Variants in FARS2 observed in about 807,000 individuals in gnomAD.
FARS2 encodes the protein phenylalanine--tRNA ligase, mitochondrial.
FARS2 carries 40 observed loss-of-function variants against 46.4 expected under a neutral mutation model. The observed-to-expected ratio is 0.86, with a 90% confidence interval of 0.67 to 1.12. The LOEUF is 1.12. Among genes scored for constraint, FARS2 ranks in the 50% most tolerant of loss-of-function variants. FARS2 has a pLI of 0.00. For synonymous variants in FARS2, 234 were observed against 214.9 expected (o/e 1.09, Z -0.78); for missense variants, 513 against 567.9 (o/e 0.90, Z 0.98).
chr6:5,640,761 A>G (rs2150738895), intron 6 of FARS2, among the ~76,000 whole-genome samples: 1 of 152,340 alleles, frequency 6.6e-6, no homozygotes, highest in South Asian at 2.1e-4. Context: ...CATATAGCCA[A>G]TCACTAATCA....
intron 6 of FARS2, among the ~76,000 whole-genome samples, chr6:5,694,627 A>G (rs1242224219): frequency 1.3e-5 from 2 of 152,178 alleles, no homozygotes; most frequent in African/African-American, 4.8e-5. Context: ...CCAGGTGTAT[A>G]TATTTCTCTC....
intron 1 of FARS2, among the ~76,000 whole-genome samples, chr6:5,289,858 T>C (rs1407560137): frequency 1.3e-5 from 2 of 152,154 alleles, no homozygotes; most frequent in Non-Finnish European, 1.5e-5. Flanking sequence ...GGTTTTCCTT[T>C]TGATTTAGTT....
intron 4 of FARS2, among the ~76,000 whole-genome samples, chr6:5,483,192 G>T (rs913329620): frequency 6.6e-5 from 10 of 152,144 alleles, no homozygotes; most frequent in Non-Finnish European, 1.5e-4. Context: ...GGATACTATT[G>T]CTCACAGTAG....
chr6:5,727,872 T>G lies in FARS2; in HGVS notation c.1218-43419T>G, dbSNP rs1760366828. Among the ~76,000 whole-genome samples, 1 of 152,244 alleles carries G rather than the reference T, an allele frequency of 6.6e-6. No homozygotes were observed. The highest frequency in any genetic ancestry group is 1.5e-5 in the Non-Finnish European group (1 of 68,044). ...CAACAGACTGATTTCTAAATGAGCT[T>G]CCTGCCTCAAGGCAAAGGTTGAGTT... On this transcript the variant is annotated intron_variant, in intron 6 of 6. Transcript: ENST00000274680. The surrounding 1 kb of genome is among the most constrained non-coding windows in gnomAD (Gnocchi z 4.1).
chr6:5,506,776 A>G (rs1359612560), intron 4 of FARS2, among the ~76,000 whole-genome samples: 2 of 152,238 alleles, frequency 1.3e-5, no homozygotes, highest in Non-Finnish European at 2.9e-5. Context: ...TGAGGCATTC[A>G]TGAAAACAGC....
chr6:5,517,066 C>T (rs1451247414), intron 4 of FARS2, among the ~76,000 whole-genome samples: 1 of 151,964 alleles, frequency 6.6e-6, no homozygotes, highest in Non-Finnish European at 1.5e-5. Context: ...GGAATATGAG[C>T]ATGGAAGGAA....
chr6:5,494,509 A>G (rs550179029), intron 4 of FARS2, among the ~76,000 whole-genome samples: 6 of 152,274 alleles, frequency 3.9e-5, no homozygotes, highest in African/African-American at 1.2e-4. Context: ...TGCTAGTAAG[A>G]GCAAATTTTC....
At position 5,359,029 on chromosome 6, in the gene FARS2, CCTTTTTTTTTT is replaced by C. The variant is rs1173125760; in HGVS notation, c.-21-9520_-21-9510del. Among the ~76,000 whole-genome samples, 11 of 72,534 alleles carry C rather than the reference CCTTTTTTTTTT, an allele frequency of 1.5e-4. 1 individual carries two copies. Among genetic ancestry groups the C allele is most frequent in the East Asian group, 4.4e-4 (1 of 2,290 alleles). 47.6% of individuals were successfully genotyped at this position (72,534 alleles called of 152,430 possible). A position where few individuals can be genotyped will look rare whatever the true frequency, so the allele number is the denominator to read the frequency against. ...TCGAATTATAGTGATGAAAAGATAC[CCTTTTTTTTTT>C]TTTTTTTTTTTTTTTTTGATATGGA... On this transcript the variant is annotated intron_variant, in intron 1 of 6. Transcript: ENST00000274680.
chr6:5,601,364 A>G (rs1774502204), intron 5 of FARS2, among the ~76,000 whole-genome samples: 1 of 151,922 alleles, frequency 6.6e-6, no homozygotes, highest in African/African-American at 2.4e-5. Flanking sequence ...TCTACTAAAA[A>G]TACAAAAAAA....
At chr6:5,267,267 A>C (rs1443405731) in intron 1 of FARS2, among the ~76,000 whole-genome samples, 1 of 151,726 alleles carries the variant, frequency 6.6e-6, no homozygotes, top group Non-Finnish European at 1.5e-5. Flanking sequence ...GATTTGTTGT[A>C]ATCTGTTATA....
At chr6:5,670,744 A>T (rs1355350956) in intron 6 of FARS2, among the ~76,000 whole-genome samples, 3 of 152,040 alleles carry the variant, frequency 2.0e-5, no homozygotes, top group Middle Eastern at 3.4e-3. Flanking sequence ...TTTTTTTTTT[A>T]AATAAGCACA....
At chr6:5,262,986 T>G (rs1765297083) in intron 1 of FARS2, among the ~76,000 whole-genome samples, 1 of 152,184 alleles carries the variant, frequency 6.6e-6, no homozygotes, top group South Asian at 2.1e-4. Context: ...TGATACACTA[T>G]TGTGTGCCAG....
chr6:5,467,464 A>G (rs1246472824), intron 4 of FARS2, among the ~76,000 whole-genome samples: 1 of 152,182 alleles, frequency 6.6e-6, no homozygotes, highest in Non-Finnish European at 1.5e-5. Context: ...AGATGCTGAA[A>G]TAAGATACAA....
chr6:5,739,725 A>C (rs1761199715), intron 6 of FARS2, among the ~76,000 whole-genome samples: 2 of 152,176 alleles, frequency 1.3e-5, no homozygotes, highest in African/African-American at 4.8e-5. Context: ...TGAATCCAGG[A>C]GGACAGTGGG....
At chr6:5,634,448 G>A (rs2150726426) in intron 6 of FARS2, among the ~76,000 whole-genome samples, 1 of 152,222 alleles carries the variant, frequency 6.6e-6, no homozygotes, top group African/African-American at 2.4e-5. Flanking sequence ...GACCACAGGT[G>A]TATACCACCA....
chr6:5,319,892 T>C (rs1288898560), intron 1 of FARS2, among the ~76,000 whole-genome samples: 2 of 152,242 alleles, frequency 1.3e-5, no homozygotes, highest in African/African-American at 4.8e-5. Flanking sequence ...TACTTAGATG[T>C]GGGAACAAAG....
chr6:5,356,233 G>C (rs1164373801), intron 1 of FARS2, among the ~76,000 whole-genome samples: 5 of 152,214 alleles, frequency 3.3e-5, no homozygotes, highest in South Asian at 2.1e-4. Flanking sequence ...CGGATCACTT[G>C]AGGCCAGGAG....
At chr6:5,275,951 C>T in intron 1 of FARS2, among the ~76,000 whole-genome samples, 1 of 152,124 alleles carries the variant, frequency 6.6e-6, no homozygotes, top group East Asian at 1.9e-4. Context: ...AAGTTAAGAG[C>T]CCCTAGTAGT....
In FARS2 at chr6:5,765,332, C is replaced by T. The variant is rs1234617550; in HGVS notation, c.1218-5959C>T. ...AGTAAGTTTCAGGAAAAGCTTGAGT[C>T]ATGTTTCCAGTTTCAAGAGCCAGGC... On this transcript the variant is annotated intron_variant, in intron 6 of 6. Transcript: ENST00000274680. The surrounding 1 kb of genome is among the most constrained non-coding windows in gnomAD (Gnocchi z 4.0). Among the ~76,000 whole-genome samples the T allele has an allele frequency of 6.6e-6, 1 of 152,242 alleles. No individual in the cohort carries two copies. The highest frequency in any genetic ancestry group is 1.5e-5 in the Non-Finnish European group (1 of 68,044).
Sources: gnomAD v4.1 joint callset for allele counts (sites outside exome capture counted in the v4.1 genomes callset) on GRCh38, gnomAD v4.1.1 for gene constraint, Gnocchi (gnomAD v3.1) non-coding constraint, MANE v1.5 for transcripts, NCBI Gene and HGNC (gene_info 2026-07-23, HGNC 2026-07-21) for gene names.